VDAC1: variants seen among roughly 807,000 people sequenced by gnomAD.
The protein encoded by VDAC1 is voltage dependent anion channel 1.
VDAC1 carries 10 observed loss-of-function variants against 34.7 expected under a neutral mutation model. That is an observed-to-expected ratio of 0.29 (90% CI 0.18 to 0.49). The LOEUF (loss-of-function observed/expected upper bound fraction) is 0.49. Ranked by LOEUF, VDAC1 falls within the 20% of genes least tolerant of loss-of-function variation. The pLI, the probability that VDAC1 is intolerant of heterozygous loss-of-function variation, is 0.99. For synonymous variants in VDAC1, 130 were observed against 136.0 expected, an observed-to-expected ratio of 0.96 and a Z score of 0.30; for missense variants, 230 against 347.9, an observed-to-expected ratio of 0.66 and a Z score of 2.69.
chr5:134,013,943 C>G, the VDAC1 span, among the ~76,000 whole-genome samples: 8 of 140,162 alleles, frequency 5.7e-5, no homozygotes, highest in East Asian at 1.8e-3. Context: ...CTCCGTCTCC[C>G]ATCCCACCCC....
At chr5:134,034,247 G>T in the VDAC1 span, among the ~76,000 whole-genome samples, 1 of 152,164 alleles carries the variant, frequency 6.6e-6, no homozygotes, top group African/African-American at 2.4e-5. Context: ...AAGAATATCG[G>T]CTAGCAATTT....
chr5:134,067,255 A>G, the VDAC1 span, among the ~76,000 whole-genome samples: 3 of 151,466 alleles, frequency 2.0e-5, no homozygotes, highest in Non-Finnish European at 4.4e-5. Context: ...TTGTATTTTT[A>G]GTAGAGACAG....
chr5:134,007,765 C>G (rs1381048632), upstream of VDAC1, among the ~76,000 whole-genome samples: 1 of 152,210 alleles, frequency 6.6e-6, no homozygotes, highest in African/African-American at 2.4e-5. Context: ...TTTCACAGAA[C>G]AGAGAATGGA....
chr5:134,026,489 T>G, the VDAC1 span, among the ~76,000 whole-genome samples: 2 of 127,280 alleles, frequency 1.6e-5, 1 homozygote, highest in Non-Finnish European at 3.1e-5. Flanking sequence ...CACTCCAGCC[T>G]GGGTGACAGA....
At chr5:134,011,977 G>A in the VDAC1 span, among the ~76,000 whole-genome samples, 5 of 152,082 alleles carry the variant, frequency 3.3e-5, no homozygotes, top group East Asian at 3.8e-4. Flanking sequence ...GGGTCAGAGT[G>A]AGAGAAGGTG....
the VDAC1 span, among the ~76,000 whole-genome samples, chr5:134,046,605 C>T: frequency 1.3e-5 from 2 of 152,212 alleles, no homozygotes; most frequent in Non-Finnish European, 2.9e-5. Context: ...CTGCCTACCA[C>T]ACCAGAAATG....
At chr5:134,103,487 A>G in the VDAC1 span, among the ~76,000 whole-genome samples, 4 of 152,126 alleles carry the variant, frequency 2.6e-5, no homozygotes, top group African/African-American at 7.2e-5. Flanking sequence ...GGCACCTCCC[A>G]TGGCAGGAGA....
the VDAC1 span, among the ~76,000 whole-genome samples, chr5:134,011,779 A>C: frequency 6.6e-6 from 1 of 151,876 alleles, no homozygotes; most frequent in Non-Finnish European, 1.5e-5. Context: ...AGCTGGGATT[A>C]CAGGTGCCCA....
chr5:134,067,666 G>GGAGGGC, the VDAC1 span, among the ~76,000 whole-genome samples: 1 of 145,850 alleles, frequency 6.9e-6, no homozygotes, highest in Non-Finnish European at 1.5e-5. Flanking sequence ...AGGGGGAGGG[G>GGAGGGC]GAGGGCGAGG....
chr5:134,102,335 C>G, the VDAC1 span, among the ~76,000 whole-genome samples: 4 of 111,924 alleles, frequency 3.6e-5, no homozygotes, highest in South Asian at 1.4e-3. Flanking sequence ...CCACCCTCTA[C>G]CCCCCCCACC....
At chr5:134,113,099 C>A in the VDAC1 span, among the ~76,000 whole-genome samples, 1 of 152,208 alleles carries the variant, frequency 6.6e-6, no homozygotes, top group African/African-American at 2.4e-5. Context: ...TGTACCTCTC[C>A]CCTCCGGGCA....
chr5:134,004,321 C>T (rs1242981120), intron 1 of VDAC1, among the ~76,000 whole-genome samples: 1 of 151,910 alleles, frequency 6.6e-6, no homozygotes, highest in African/African-American at 2.4e-5. Flanking sequence ...GTCACCTAGA[C>T]GCGCGGCCCG....
chr5:133,981,016 C>CT (rs76032174), intron 5 of VDAC1, 60 bp from the exon 6 acceptor site: 42,956 of 1,171,290 alleles, frequency 0.037, no homozygotes, highest in Non-Finnish European at 0.042. Flanking sequence ...TGCAAGTTGT[C>CT]TTTTTTTTTT....
At chr5:134,012,875 G>A in the VDAC1 span, among the ~76,000 whole-genome samples, 7 of 152,136 alleles carry the variant, frequency 4.6e-5, no homozygotes, top group Admixed American at 1.3e-4. Context: ...AAACAGCATA[G>A]TACTGGTACA....
intron 1 of VDAC1, among the ~76,000 whole-genome samples, chr5:133,993,741 G>A (rs1753194642): frequency 6.6e-6 from 1 of 152,136 alleles, no homozygotes; most frequent in South Asian, 2.1e-4. Context: ...AGGACTACTT[G>A]GGATTGCTGC....
chr5:134,064,811 G>A, the VDAC1 span, among the ~76,000 whole-genome samples: 2 of 151,266 alleles, frequency 1.3e-5, no homozygotes, highest in South Asian at 4.2e-4. Flanking sequence ...TCTGCTCCCT[G>A]GGCTCAAGTG....
the VDAC1 span, among the ~76,000 whole-genome samples, chr5:134,045,145 C>T: frequency 6.6e-6 from 1 of 152,218 alleles, no homozygotes; most frequent in African/African-American, 2.4e-5. Flanking sequence ...GGAGGAAGAA[C>T]AGCCAGAGAA....
At chr5:133,977,473 A>C (rs988022184) in intron 6 of VDAC1, among the ~76,000 whole-genome samples, 4 of 152,186 alleles carry the variant, frequency 2.6e-5, no homozygotes, top group African/African-American at 7.2e-5. Context: ...CAGTCATTCA[A>C]ATTCTCCTCT....
At chr5:134,057,517 C>CTATATA in the VDAC1 span, among the ~76,000 whole-genome samples, 2 of 149,768 alleles carry the variant, frequency 1.3e-5, no homozygotes, top group Admixed American at 6.7e-5. Context: ...ATATCTATAT[C>CTATATA]TATATCTATA....
Sources: allele counts gnomAD v4.1 joint callset (sites outside exome capture counted in the v4.1 genomes callset), GRCh38; gene constraint gnomAD v4.1.1; transcripts MANE v1.5; gene names NCBI Gene and HGNC (gene_info 2026-07-23, HGNC 2026-07-21).